Variants in ESPL1 observed in about 807,000 individuals in gnomAD.
ESPL1 encodes the protein extra spindle pole bodies like 1, separase.
Under a neutral mutation model 217.2 loss-of-function variants are expected in ESPL1, and 50 were observed. That is an observed-to-expected ratio of 0.23 (90% CI 0.18 to 0.29). The LOEUF (loss-of-function observed/expected upper bound fraction) is 0.29, where lower values mean the gene tolerates loss of function less well. Among genes scored for constraint, ESPL1 ranks in the 10% least tolerant of loss-of-function variants. ESPL1 has a pLI of 1.00. For synonymous variants in ESPL1, 994 were observed against 1,081.3 expected (o/e 0.92, Z 1.58); for missense variants, 1,834 against 2,603.0 (o/e 0.70, Z 6.43).
chr12:53,285,134 G>T (rs899685240), intron 17 of ESPL1, among the ~76,000 whole-genome samples: 3 of 152,020 alleles, frequency 2.0e-5, no homozygotes, highest in Non-Finnish European at 2.9e-5. Flanking sequence ...GTATTGAGTA[G>T]CACAAACATA....
intron 9 of ESPL1, 85 bp from the exon 10 acceptor site, chr12:53,277,385 A>G (rs2120912571): frequency 3.3e-6 from 5 of 1,526,056 alleles, no homozygotes; most frequent in Admixed American, 2.0e-5. Context: ...GGCTCCAACA[A>G]TCCTCCCACC....
intron 11 of ESPL1, among the ~76,000 whole-genome samples, chr12:53,278,267 A>T (rs147038775): frequency 6.6e-6 from 1 of 152,166 alleles, no homozygotes; most frequent in East Asian, 1.9e-4. Flanking sequence ...GGTATGCTCA[A>T]ATGTTAGCTT....
chr12:53,274,915 A>T lies in ESPL1; in HGVS notation c.1605A>T (p.Gln535His). The part of the protein sequence containing the change: ...KMVILWLAAL[Q>H]PCSPEHMAEP... ...TGATTTTGTGGCTGGCAGCCCTGCA[A>T]CCCTGTAGCCCTGAACACATGGCTG... Residue 535 changes from glutamine (Q) to histidine (H), a missense_variant, in exon 7 of 31, where the codon CAA becomes CAT. This residue lies in a region of ESPL1 where 746 missense variants were observed against 1,077.0 expected (regional missense o/e 0.69). Coordinates refer to ENST00000257934, the MANE Select transcript of ESPL1 (RefSeq NM_012291.5). The T allele has an allele frequency of 6.2e-7, 1 of 1,611,740 alleles. No homozygotes were observed.
chr12:53,269,758 C>G lies in ESPL1; in HGVS notation c.816C>G (p.Ile272Met), dbSNP rs1320470607. ...GGAGCCGCCACCATGACAAAGCCAT[C>G]AGCGCAGTGGAGAAGGCTCACAGTT... Reference protein sequence around the residue: ...FCWSRHHDKAISAVEKAHSYL... With the variant: ...FCWSRHHDKAMSAVEKAHSYL... Residue 272 changes from isoleucine to methionine, a missense_variant, in exon 3 of 31, where the codon ATC becomes ATG. By Grantham distance (10) the Ile-to-Met change is conservative. Around this residue, in one of 5 missense-constraint regions of ESPL1, gnomAD observed 746 missense variants for 1,077.0 expected, o/e 0.69. Coordinates refer to ENST00000257934, the MANE Select transcript of ESPL1 (RefSeq NM_012291.5). The surrounding 1 kb of genome is among the most constrained non-coding windows in gnomAD (Gnocchi z 6.7). 8 of 1,614,074 alleles carry G rather than the reference C, an allele frequency of 5.0e-6. No homozygotes were observed. Among genetic ancestry groups the G allele is most frequent in the Non-Finnish European group, 6.8e-6 (8 of 1,180,046 alleles).
At chr12:53,284,205 A>T in intron 17 of ESPL1, 38 bp downstream of exon 17, 8 of 1,193,820 alleles carry the variant, frequency 6.7e-6, no homozygotes, top group Non-Finnish European at 1.0e-5. Flanking sequence ...GGCGGTGCTG[A>T]AATGACACAC....
At chr12:53,289,359 G>C (rs1944012919) in intron 21 of ESPL1, 45 bp from the exon 22 acceptor site, 1 of 1,610,520 alleles carries the variant, frequency 6.2e-7, no homozygotes, top group Non-Finnish European at 8.5e-7. Flanking sequence ...AGAAGGTCCA[G>C]ACTTTGAAGG....
At chr12:53,290,527 T>C (rs1944036325) in intron 24 of ESPL1, 58 bp downstream of exon 24, 2 of 1,595,544 alleles carry the variant, frequency 1.3e-6, no homozygotes. Context: ...GGGGTCCCAG[T>C]GACTTCTCTA....
In ESPL1 at chr12:53,286,547, A is replaced by G. The variant is rs1943951861; in HGVS notation, c.3811A>G (p.Ile1271Val). 1 of 1,614,112 alleles carries G rather than the reference A, an allele frequency of 6.2e-7. No homozygotes were observed. Among genetic ancestry groups the G allele is most frequent in the Non-Finnish European group, 8.5e-7 (1 of 1,180,022 alleles). Residue 1271 changes from isoleucine to valine, a missense_variant, in exon 18 of 31, where the codon ATT becomes GTT. Physicochemically the swap from Ile to Val is conservative, Grantham distance 29. Coordinates refer to ENST00000257934, the MANE Select transcript of ESPL1 (RefSeq NM_012291.5). The surrounding 1 kb of genome is among the most constrained non-coding windows in gnomAD (Gnocchi z 5.3). The part of the protein sequence containing the change: ...LEPWRASLLL[I>V]WALTKLGGLS... The stretch of plus-strand genomic sequence containing the variant: ...GCCCTGGCGAGCCAGCCTGCTCTTG[A>G]TTTGGGCCCTCACAAAACTAGGTGG...
Position 53,269,107 on chromosome 12 carries a change from G to A in ESPL1, c.165G>A (p.Arg55=), listed in dbSNP as rs776957781. Residue 55 remains arginine, a synonymous_variant, in exon 3 of 31, where the codon AGG becomes AGA. Coordinates refer to ENST00000257934, the MANE Select transcript of ESPL1 (RefSeq NM_012291.5). The surrounding 1 kb of genome is among the most constrained non-coding windows in gnomAD (Gnocchi z 6.7). ...ERRQACDAIL[R]ACNQQLTAKL... ...GACAAGCTTGTGATGCCATCCTGAGGGCTTGCAACCAGCAGCTGACTGCTA... is the reference window on the plus strand; with the variant it reads ...GACAAGCTTGTGATGCCATCCTGAGAGCTTGCAACCAGCAGCTGACTGCTA... 5.6e-6 allele frequency: 9 copies of A among 1,614,144 alleles called. No individual in the cohort carries two copies. The South Asian group carries it at 8.8e-5, about 16-fold the overall frequency.
At position 53,288,259 on chromosome 12, in the gene ESPL1, C is replaced by T. The variant is rs61737629; in HGVS notation, c.4464C>T (p.Ile1488=). 1 of 1,608,078 alleles carries T rather than the reference C, an allele frequency of 6.2e-7. No homozygotes were observed. The highest frequency in any genetic ancestry group is 1.7e-5 in the Admixed American group (1 of 58,486). ...CTGGCCCTGAGATCATGAGGACCAT[C>T]CCTGAGGAAGAACTGACTGACAACT... is the stretch of plus-strand genomic sequence containing the variant. ...ARPGPEIMRT[I]PEEELTDNWR... Residue 1488 remains isoleucine, a synonymous_variant, in exon 19 of 31, where the codon ATC becomes ATT. Transcript: ENST00000257934.
At chr12:53,289,851 CAT>C in intron 22 of ESPL1, 1 of 604,590 alleles carries the variant, frequency 1.7e-6, no homozygotes, top group South Asian at 2.1e-5. Flanking sequence ...TAACATGAAA[CAT>C]ATTCACATGA....
Position 53,288,297 on chromosome 12 carries a change from G to A in ESPL1, c.4502G>A (p.Ser1501Asn), listed in dbSNP as rs765319616. ...CTGACTGACAACTGGAGAAAAATGA[G>A]CTTTGAGATCCTCAGGGGCTCTGAC... ...EELTDNWRKM[S>N]FEILRGSDGE... The change falls in exon 19 of 31, where the codon AGC (serine) becomes AAC (asparagine). Residue 1501 changes from serine (S) to asparagine (N), a missense_variant. Physicochemically the swap from Ser to Asn is conservative, Grantham distance 46. Coordinates refer to ENST00000257934, the MANE Select transcript of ESPL1 (RefSeq NM_012291.5). 3.1e-6 allele frequency: 5 copies of A among 1,604,468 alleles called. No homozygotes were observed. The Admixed American group carries it at 6.9e-5, about 22-fold the overall frequency.
intron 20 of ESPL1, 112 bp downstream of exon 20, chr12:53,288,811 C>T (rs113072640): frequency 4.0e-6 from 4 of 992,608 alleles, no homozygotes; most frequent in African/African-American, 3.6e-5. Context: ...AGCCTCTGAA[C>T]CTGTGTTTGA....
rs771536831 is a variant in ESPL1 at position 53,289,579 on chromosome 12, G to C, written c.5098G>C (p.Ala1700Pro). The C allele has an allele frequency of 1.2e-6, 2 of 1,613,634 alleles. No homozygotes were observed. The highest frequency in any genetic ancestry group is 2.7e-5 in the African/African-American group (2 of 74,916). Reference sequence around the variant, plus strand: ...AAAGGAGAGTTTCCAGGAGCGCCTGGCTCTGATCCCCAGTGGTATGCGGGC... The same window carrying C: ...AAAGGAGAGTTTCCAGGAGCGCCTGCCTCTGATCCCCAGTGGTATGCGGGC... ...PEKESFQERL[A>P]LIPSGVTVCV... Residue 1700 changes from alanine to proline, a missense_variant, in exon 22 of 31, where the codon GCT becomes CCT. By Grantham distance (27) the Ala-to-Pro change is conservative. This residue lies in a region of ESPL1 where 681 missense variants were observed against 808.0 expected (regional missense o/e 0.84). Coordinates refer to ENST00000257934, the MANE Select transcript of ESPL1 (RefSeq NM_012291.5).
At chr12:53,288,774 C>A in intron 20 of ESPL1, 75 bp downstream of exon 20, 1 of 1,419,750 alleles carries the variant, frequency 7.0e-7, no homozygotes, top group Non-Finnish European at 9.6e-7. Context: ...TCTGTCTTTC[C>A]AGGCTGGGTT....
At position 53,286,902 on chromosome 12, in the gene ESPL1, C is replaced by T. The variant is rs761256870; in HGVS notation, c.4166C>T (p.Thr1389Met). 7.5e-6 allele frequency: 12 copies of T among 1,595,202 alleles called. No homozygotes were observed. The highest frequency in any genetic ancestry group is 2.3e-5 in the South Asian group (2 of 88,530). Reference sequence around the variant, plus strand: ...CCCAGGGTACAACAGAGAGTCCAGACGCGCCTCAAGGTGAGGTGGGACTGT... The same window carrying T: ...CCCAGGGTACAACAGAGAGTCCAGATGCGCCTCAAGGTGAGGTGGGACTGT... ...QAPRVQQRVQ[T>M]RLKVNFSDDS... is the part of the protein sequence containing the mutation. Residue 1389 changes from threonine to methionine, a missense_variant, in exon 18 of 31, where the codon ACG becomes ATG. Thr to Met is a moderately conservative substitution (Grantham distance 81, BLOSUM62 -1). Transcript: ENST00000257934. This position sits in a 1 kb window ranked among gnomAD's most constrained non-coding sequence, Gnocchi z 5.3.
intron 23 of ESPL1, 33 bp from the exon 24 acceptor site, chr12:53,290,314 C>T (rs1322847300): frequency 6.2e-7 from 1 of 1,611,100 alleles, no homozygotes. Context: ...ATCACGTGGA[C>T]AAGCAGAGCT....
intron 6 of ESPL1, 37 bp from the exon 7 acceptor site, chr12:53,274,780 T>A: frequency 6.5e-7 from 1 of 1,537,254 alleles, no homozygotes. Context: ...ACTCACTGGT[T>A]CCTCTCCAGT....
At chr12:53,275,137 T>C in intron 7 of ESPL1, 127 bp downstream of exon 7, 3 of 679,860 alleles carry the variant, frequency 4.4e-6, no homozygotes, top group Non-Finnish European at 7.1e-6. Flanking sequence ...CCGTCTCTAC[T>C]ACAAATACAA....
Sources: allele counts gnomAD v4.1 joint callset (sites outside exome capture counted in the v4.1 genomes callset), GRCh38; gene constraint gnomAD v4.1.1; regional missense constraint gnomAD v4.1.1; non-coding constraint Gnocchi (gnomAD v3.1); transcripts MANE v1.5; gene names NCBI Gene and HGNC (gene_info 2026-07-23, HGNC 2026-07-21).